Variants in SETX observed in about 807,000 individuals in gnomAD.
The protein encoded by SETX is senataxin.
SETX carries 90 observed loss-of-function variants against 227.2 expected under a neutral mutation model. The observed-to-expected ratio is 0.40, with a 90% CI of 0.33 to 0.47. The LOEUF is 0.47. Among genes scored for constraint, SETX ranks in the 20% least tolerant of loss-of-function variants. SETX has a pLI of 0.91. For missense variants in SETX, 3,052 were observed against 3,181.5 expected (o/e 0.96, Z 0.98); for synonymous variants, 1,210 against 1,113.2 (o/e 1.09, Z -1.73).
At chr9:132,306,062 C>T (rs7020949) in intron 11 of SETX, among the ~76,000 whole-genome samples, 38,097 of 152,076 alleles carry the variant, frequency 0.25, 6,093 homozygotes, top group East Asian at 0.68. Context: ...TCCAACCCCA[C>T]AGGATTCTTC....
intron 11 of SETX, among the ~76,000 whole-genome samples, chr9:132,302,792 C>CT (rs1414338487): frequency 6.7e-6 from 1 of 149,684 alleles, no homozygotes; most frequent in African/African-American, 2.5e-5. Context: ...GAAAGGCTGA[C>CT]TATCCAATTT....
chr9:132,305,689 T>C (rs1234043422), intron 11 of SETX, among the ~76,000 whole-genome samples: 1 of 152,106 alleles, frequency 6.6e-6, no homozygotes, highest in Admixed American at 6.6e-5. Flanking sequence ...TTCTGCAAAG[T>C]AACTGGACAG....
intron 11 of SETX, among the ~76,000 whole-genome samples, chr9:132,308,426 C>T (rs1483865973): frequency 7.4e-6 from 1 of 135,322 alleles, no homozygotes; most frequent in Non-Finnish European, 1.6e-5. Context: ...AATTTTTCAA[C>T]AAAAAAATTG....
chr9:132,333,364 A>G (rs1012320544), intron 7 of SETX, among the ~76,000 whole-genome samples: 4 of 142,724 alleles, frequency 2.8e-5, no homozygotes, highest in African/African-American at 1.1e-4. Context: ...GGTGAGAGAG[A>G]AAGACTTGGT....
chr9:132,356,000 A>AGG (rs1848893524), upstream of SETX, among the ~76,000 whole-genome samples: 1 of 149,194 alleles, frequency 6.7e-6, no homozygotes, highest in Non-Finnish European at 1.5e-5. Context: ...AAAAAAAAAA[A>AGG]AAAAAAAAAA....
intron 6 of SETX, among the ~76,000 whole-genome samples, chr9:132,335,223 T>C (rs184359432): frequency 1.6e-4 from 25 of 151,534 alleles, no homozygotes; most frequent in Admixed American, 4.6e-4. Flanking sequence ...ACCCCGTCTC[T>C]ACTAAAAATA....
At chr9:132,325,322 C>T (rs1193689049) in intron 10 of SETX, among the ~76,000 whole-genome samples, 1 of 152,020 alleles carries the variant, frequency 6.6e-6, no homozygotes, top group Non-Finnish European at 1.5e-5. Flanking sequence ...CACCACTGCA[C>T]TCCAGCCTGG....
At chr9:132,283,561 C>T (rs1179117541) in intron 18 of SETX, 148 bp from the exon 19 acceptor site, 2 of 945,498 alleles carry the variant, frequency 2.1e-6, no homozygotes, top group African/African-American at 3.3e-5. Flanking sequence ...ACCCTCAAAT[C>T]TAGGAAACAG....
chr9:132,269,271 G>A, intron 25 of SETX: 1 of 533,656 alleles, frequency 1.9e-6, no homozygotes, highest in Non-Finnish European at 3.0e-6. Context: ...ATTAAGCTGG[G>A]CCAATAACAG....
intron 5 of SETX, among the ~76,000 whole-genome samples, chr9:132,342,108 T>G (rs2131537273): frequency 6.6e-6 from 1 of 152,264 alleles, no homozygotes; most frequent in South Asian, 2.1e-4. Context: ...TGGCTTAATG[T>G]AGTCACTCAG....
intron 11 of SETX, among the ~76,000 whole-genome samples, chr9:132,305,215 A>G (rs144499776): frequency 0.094 from 14,239 of 151,088 alleles, 751 homozygotes; most frequent in East Asian, 0.23. Context: ...TTAGCCGGGC[A>G]TGGTGGCGGC....
chr9:132,333,356 TGAGA>T (rs960812682), intron 7 of SETX, among the ~76,000 whole-genome samples: 1 of 133,130 alleles, frequency 7.5e-6, no homozygotes, highest in Non-Finnish European at 1.5e-5. Context: ...CCAGCCTGGG[TGAGA>T]GAGAAAGACT....
chr9:132,333,398 G>T lies in SETX; in HGVS notation c.838+1210C>A, dbSNP rs512803. On this transcript the variant is annotated intron_variant, in intron 7 of 25. Coordinates refer to ENST00000224140, the MANE Select transcript of SETX (RefSeq NM_015046.7). ...GTCTCAAAAAGAAAAAAAAAAAAAA[G>T]AAAAAAAAAAATATATATACACACA... is the stretch of plus-strand genomic sequence containing the variant. 9.6e-3 allele frequency among the ~76,000 whole-genome samples: 319 copies of T among 33,222 alleles called. 14 individuals carry two copies. The highest frequency in any genetic ancestry group is 0.043 in the African/African-American group (301 of 6,994). The allele number at this position is 33,222 out of a possible 152,430, so 21.8% of individuals were successfully genotyped here. A position where few individuals can be genotyped will look rare whatever the true frequency, so the allele number is the denominator to read the frequency against.
At chr9:132,339,607 A>G (rs1197119693) in intron 5 of SETX, among the ~76,000 whole-genome samples, 2 of 152,080 alleles carry the variant, frequency 1.3e-5, no homozygotes, top group Admixed American at 6.6e-5. Context: ...CTCTCTTTCC[A>G]TATAGTACAA....
rs775095648 is a variant in SETX at position 132,331,124 on chromosome 9, C to T, written c.1026G>A (p.Pro342=). ...RNSSVRTKLE[P]ESYLDDMVTC... is the part of the protein sequence containing the mutation. The stretch of plus-strand genomic sequence containing the variant: ...TCACCATATCATCCAAATAGGACTC[C>T]GGTTCTAACTTGGTCCTTAAATATT... The change falls in exon 9 of 26, where the codon CCG becomes CCA. Residue 342 remains proline, a synonymous_variant. Transcript: ENST00000224140. The T allele has an allele frequency of 1.7e-5, 27 of 1,613,230 alleles. No individual in the cohort carries two copies. The highest frequency in any genetic ancestry group is 2.7e-5 in the African/African-American group (2 of 74,858).
At chr9:132,323,155 G>C (rs1427266621) in intron 10 of SETX, among the ~76,000 whole-genome samples, 2 of 152,114 alleles carry the variant, frequency 1.3e-5, no homozygotes, top group Admixed American at 1.3e-4. Context: ...AAGATGACGG[G>C]GGTGGAGGAG....
In SETX at chr9:132,330,211, C is replaced by T. The variant is rs1193530582; in HGVS notation, c.1387G>A (p.Val463Ile). The change falls in exon 10 of 26, where the codon GTA (valine) becomes ATA (isoleucine). Residue 463 changes from valine (V) to isoleucine (I), a missense_variant. Val to Ile is a conservative substitution (Grantham distance 29). This residue lies in a region of SETX where 179 missense variants were observed against 197.1 expected (regional missense o/e 0.91). Coordinates refer to ENST00000224140, the MANE Select transcript of SETX (RefSeq NM_015046.7). ...KVTEFFLLIL[V>I]SVIELHRNKK... ...TTTCTATGCAGTTCAATCACTGATA[C>T]CAAAATTAGAAGAAAAAATTCAGTG... 2.5e-6 allele frequency: 4 copies of T among 1,569,908 alleles called. No individual in the cohort carries two copies. Among genetic ancestry groups the T allele is most frequent in the South Asian group, 2.4e-5 (2 of 83,640 alleles).
intron 25 of SETX, among the ~76,000 whole-genome samples, chr9:132,265,699 T>A (rs1842613930): frequency 6.6e-6 from 1 of 152,252 alleles, no homozygotes; most frequent in African/African-American, 2.4e-5. Flanking sequence ...GCTATTGTAC[T>A]GAGCAGTGCA....
intron 18 of SETX, among the ~76,000 whole-genome samples, chr9:132,284,955 T>C (rs905359722): frequency 6.6e-6 from 1 of 151,884 alleles, no homozygotes; most frequent in Non-Finnish European, 1.5e-5. Context: ...CTCCACTCAC[T>C]GCAAGCTCTG....
Sources: gnomAD v4.1 joint callset for allele counts (sites outside exome capture counted in the v4.1 genomes callset) on GRCh38, gnomAD v4.1.1 for gene constraint, gnomAD v4.1.1 regional missense constraint, MANE v1.5 for transcripts, NCBI Gene and HGNC (gene_info 2026-07-23, HGNC 2026-07-21) for gene names.